The following GOSR2 variants were observed in gnomAD, a reference collection of about 807,000 sequenced individuals.
The protein encoded by GOSR2 is golgi SNAP receptor complex member 2, also known as 27 kDa Golgi SNARE protein.
In GOSR2, 20 loss-of-function variants were observed where a neutral mutation model predicts 27.9. The observed-to-expected ratio is 0.72, with a 90% CI of 0.50 to 1.04. The LOEUF is 1.04. Ranked by LOEUF, GOSR2 falls within the 50% of genes least tolerant of loss-of-function variation. The probability of loss-of-function intolerance (pLI) is 0.00; values close to 1 mark genes in which losing one functional copy is unlikely to be tolerated. For synonymous variants in GOSR2, 91 were observed against 98.8 expected (o/e 0.92, Z 0.47); for missense variants, 261 against 270.5 (o/e 0.97, Z 0.25).
At chr17:46,951,729 G>A (rs1292156388) in intron 6 of GOSR2, among the ~76,000 whole-genome samples, 15 of 152,142 alleles carry the variant, frequency 9.9e-5, no homozygotes, top group Admixed American at 9.8e-4. Flanking sequence ...GACACAAGAG[G>A]AAAAGGAAAC....
At chr17:46,968,126 GTTCC>G (rs1330226812), downstream of GOSR2, among the ~76,000 whole-genome samples, 1 of 152,028 alleles carries the variant, frequency 6.6e-6, no homozygotes, top group African/African-American at 2.4e-5. Context: ...CCTCACTGCT[GTTCC>G]TTCTCTTCAG....
intron 1 of GOSR2, chr17:46,923,681 C>G (rs555771425): frequency 1.2e-6 from 1 of 818,310 alleles, no homozygotes; most frequent in Non-Finnish European, 1.6e-6. Context: ...TACTAAAGAC[C>G]ACATTTTTAT....
At chr17:46,970,950 A>G (rs143145567), downstream of GOSR2, among the ~76,000 whole-genome samples, 57 of 152,384 alleles carry the variant, frequency 3.7e-4, no homozygotes, top group East Asian at 9.1e-3. Flanking sequence ...GAAAGGCTGC[A>G]TGCCAAAGGA....
At chr17:46,968,079 G>A (rs552488338), downstream of GOSR2, among the ~76,000 whole-genome samples, 2 of 152,028 alleles carry the variant, frequency 1.3e-5, no homozygotes, top group Non-Finnish European at 2.9e-5. Context: ...TTCAGCTTGG[G>A]GCATATGGCA....
chr17:46,972,592 G>T (rs1378889376), intron 6 of GOSR2, among the ~76,000 whole-genome samples: 3 of 152,202 alleles, frequency 2.0e-5, no homozygotes, highest in Non-Finnish European at 4.4e-5. Context: ...CTGCCCATCT[G>T]GCTGCATTGC....
intron 6 of GOSR2, among the ~76,000 whole-genome samples, chr17:46,961,280 G>T (rs931469735): frequency 2.0e-5 from 3 of 152,212 alleles, no homozygotes; most frequent in Admixed American, 2.0e-4. Context: ...ACAAATATCT[G>T]TAATTTTAGC....
At chr17:46,929,642 C>T in intron 2 of GOSR2, 58 bp downstream of exon 2, 1 of 860,994 alleles carries the variant, frequency 1.2e-6, no homozygotes, top group South Asian at 1.3e-5. Context: ...TGCTAATGGG[C>T]TGGGCTTCCT....
chr17:46,956,716 G>C (rs952615063), intron 6 of GOSR2, among the ~76,000 whole-genome samples: 3 of 152,216 alleles, frequency 2.0e-5, no homozygotes, highest in African/African-American at 7.2e-5. Context: ...TGTGTCTACT[G>C]TCTCGTGGCT....
At chr17:46,923,841 A>C (rs16941273) in intron 1 of GOSR2, 3 of 398,972 alleles carry the variant, frequency 7.5e-6, no homozygotes, top group African/African-American at 6.2e-5. Flanking sequence ...ATCGTCCTGC[A>C]CTTTCGGAAT....
intron 6 of GOSR2, chr17:46,949,004 C>T (rs1025008137): frequency 6.6e-6 from 1 of 152,228 alleles, no homozygotes; most frequent in Non-Finnish European, 1.5e-5. Flanking sequence ...ACAGACGTGA[C>T]CCACCTGCAT....
intron 2 of GOSR2, chr17:46,929,883 C>T (rs184239163): frequency 3.2e-6 from 1 of 308,140 alleles, no homozygotes; most frequent in South Asian, 4.8e-5. Context: ...GAGGAATGTA[C>T]TCCATAAAAA....
intron 4 of GOSR2, chr17:46,932,507 G>A (rs535580573): frequency 1.7e-6 from 1 of 590,528 alleles, no homozygotes; most frequent in South Asian, 2.1e-5. Context: ...ACGTTTTTCT[G>A]ATCAGATAGA....
At chr17:46,931,491 A>C (rs1425423253) in intron 3 of GOSR2, 2 of 482,040 alleles carry the variant, frequency 4.1e-6, no homozygotes, top group African/African-American at 1.9e-5. Flanking sequence ...ATCCATAGCC[A>C]CCTGAAGCCT....
At chr17:46,955,519 C>T (rs896913425) in intron 6 of GOSR2, 2 of 152,144 alleles carry the variant, frequency 1.3e-5, no homozygotes, top group African/African-American at 4.8e-5. Context: ...AAATTCTTAT[C>T]TCAACAAGAG....
At chr17:46,966,800 C>T in exon 7 of GOSR2, 1 of 427,438 alleles carries the variant, frequency 2.3e-6, no homozygotes. Context: ...TTTGATGTGG[C>T]CGATGAGAAA....
At chr17:46,966,675 G>A in exon 7 of GOSR2, 1 of 548,142 alleles carries the variant, frequency 1.8e-6, no homozygotes, top group Non-Finnish European at 3.3e-6. Flanking sequence ...CTCAGGCTTG[G>A]ATTTGAACTC....
chr17:46,960,677 A>G (rs1372566418), intron 6 of GOSR2, among the ~76,000 whole-genome samples: 1 of 152,250 alleles, frequency 6.6e-6, no homozygotes, highest in African/African-American at 2.4e-5. Context: ...TATTACTACT[A>G]AGCAAGAAAA....
chr17:46,950,186 G>C (rs575760295), intron 6 of GOSR2, among the ~76,000 whole-genome samples: 1 of 152,320 alleles, frequency 6.6e-6, no homozygotes, highest in East Asian at 1.9e-4. Context: ...AGAGTTCACG[G>C]GGGCTGAGAG....
chr17:46,967,610 A>G (rs1298960421), downstream of GOSR2, among the ~76,000 whole-genome samples: 1 of 152,192 alleles, frequency 6.6e-6, no homozygotes, highest in Non-Finnish European at 1.5e-5. Context: ...TGGGTACAGC[A>G]TGGGGGCTGG....
Sources: gnomAD v4.1 joint callset for allele counts (sites outside exome capture counted in the v4.1 genomes callset) on GRCh38, gnomAD v4.1.1 for gene constraint, MANE v1.5 for transcripts, NCBI Gene and HGNC (gene_info 2026-07-23, HGNC 2026-07-21) for gene names.